Variants in BABAM2 observed in about 807,000 individuals in gnomAD.
BABAM2 encodes the protein BRISC and BRCA1-A complex member 2.
Under a neutral mutation model 54.7 loss-of-function variants are expected in BABAM2, and 31 were observed. The observed-to-expected ratio is 0.57, with a 90% CI of 0.43 to 0.77. The LOEUF is 0.77. BABAM2 is among the 30% of genes least tolerant of loss of function. BABAM2 has a pLI of 0.00. For missense variants in BABAM2, 364 were observed against 455.8 expected (o/e 0.80, Z 1.83); for synonymous variants, 167 against 162.9 (o/e 1.03, Z -0.19).
At chr2:27,899,555 C>T (rs1665619393) in intron 2 of BABAM2, among the ~76,000 whole-genome samples, 1 of 151,898 alleles carries the variant, frequency 6.6e-6, no homozygotes, top group Middle Eastern at 3.4e-3. Context: ...GCTCCTCAAC[C>T]TCTGCCTTCT....
chr2:28,323,638 C>G (rs938462430), intron 11 of BABAM2, among the ~76,000 whole-genome samples: 1 of 152,164 alleles, frequency 6.6e-6, no homozygotes, highest in East Asian at 1.9e-4. Flanking sequence ...GCTAAAGCTC[C>G]CGTGCCAAGT....
chr2:28,306,367 T>TC (rs1285851889), intron 11 of BABAM2, among the ~76,000 whole-genome samples: 1 of 152,186 alleles, frequency 6.6e-6, no homozygotes, highest in East Asian at 1.9e-4. Context: ...TTTCTCCCCT[T>TC]CTGCTAATTT....
intron 10 of BABAM2, among the ~76,000 whole-genome samples, chr2:28,245,952 G>A (rs1435309157): frequency 6.6e-6 from 1 of 152,056 alleles, no homozygotes; most frequent in Non-Finnish European, 1.5e-5. Flanking sequence ...AGATAGTAAG[G>A]GCAGAAACCA....
intron 3 of BABAM2, among the ~76,000 whole-genome samples, chr2:27,955,035 A>G (rs1055847792): frequency 6.6e-5 from 10 of 152,156 alleles, no homozygotes; most frequent in Non-Finnish European, 1.5e-4. Context: ...CAGTATTATT[A>G]AATAGTAATA....
chr2:27,932,254 T>C (rs978491460), intron 3 of BABAM2, among the ~76,000 whole-genome samples: 1 of 152,194 alleles, frequency 6.6e-6, no homozygotes, highest in African/African-American at 2.4e-5. Flanking sequence ...TATCTTAATT[T>C]CTAGGAACTC....
intron 11 of BABAM2, chr2:28,309,679 T>C (rs539434009): frequency 5.8e-5 from 10 of 173,068 alleles, no homozygotes; most frequent in African/African-American, 2.3e-5. Flanking sequence ...TGGCTAGAGT[T>C]CCCAAAGTTT....
chr2:28,269,536 T>C (rs934203764), intron 10 of BABAM2, among the ~76,000 whole-genome samples: 1 of 152,200 alleles, frequency 6.6e-6, no homozygotes, highest in African/African-American at 2.4e-5. Context: ...AATACCTAGT[T>C]GGGAGTGACT....
chr2:28,099,412 C>T (rs1573574342), intron 6 of BABAM2, among the ~76,000 whole-genome samples: 1 of 152,162 alleles, frequency 6.6e-6, no homozygotes, highest in South Asian at 2.1e-4. Context: ...CCAAAGGGCT[C>T]AGAATGGGTG....
rs752630548 is a variant in BABAM2, at chr2:27,894,581, C to T, written c.25C>T (p.Arg9Ter). Reference sequence around the variant, plus strand: ...AATGTCCCCAGAAGTGGCCTTGAACCGAATATCTCCAATGCTCTCCCCTTT... The same window carrying T: ...AATGTCCCCAGAAGTGGCCTTGAACTGAATATCTCCAATGCTCTCCCCTTT... MSPEVALN[R>*]ISPMLSPFIS... is the part of the protein sequence containing the mutation. The change falls in exon 2 of 12, where the codon CGA becomes TGA. Residue 9 changes from arginine to a stop codon, truncating the protein, a stop_gained. Transcript: ENST00000379624. LOFTEE classifies it high-confidence loss of function. 3.1e-6 allele frequency: 5 copies of T among 1,613,838 alleles called. No individual in the cohort carries two copies. Among genetic ancestry groups the T allele is most frequent in the African/African-American group, 2.7e-5 (2 of 74,882 alleles).
chr2:28,292,906 C>T (rs183286178), intron 10 of BABAM2, among the ~76,000 whole-genome samples: 51 of 152,216 alleles, frequency 3.4e-4, no homozygotes, highest in East Asian at 2.9e-3. Context: ...CTGTTAGGTA[C>T]GCAACCACAG....
At chr2:28,008,676 T>G (rs1674148794) in intron 4 of BABAM2, among the ~76,000 whole-genome samples, 1 of 152,148 alleles carries the variant, frequency 6.6e-6, no homozygotes, top group Non-Finnish European at 1.5e-5. Flanking sequence ...ATGTCCAATT[T>G]GAGAATGATC....
intron 3 of BABAM2, among the ~76,000 whole-genome samples, chr2:27,945,117 C>G (rs1333503758): frequency 6.6e-6 from 1 of 151,956 alleles, no homozygotes; most frequent in Non-Finnish European, 1.5e-5. Flanking sequence ...CTCCTGGGCT[C>G]AAGCAACCCC....
At chr2:28,141,895 C>A (rs1671097524) in intron 7 of BABAM2, among the ~76,000 whole-genome samples, 1 of 152,124 alleles carries the variant, frequency 6.6e-6, no homozygotes, top group Non-Finnish European at 1.5e-5. Context: ...TGTTCTACTT[C>A]ATCTTTGCTG....
intron 7 of BABAM2, among the ~76,000 whole-genome samples, chr2:28,168,649 T>C (rs1026491041): frequency 5.9e-5 from 9 of 152,212 alleles, no homozygotes; most frequent in African/African-American, 2.2e-4. Flanking sequence ...TTATCATTCT[T>C]AGAGGGCCAA....
chr2:28,103,074 A>G (rs1364298244), intron 6 of BABAM2, among the ~76,000 whole-genome samples: 1 of 151,622 alleles, frequency 6.6e-6, no homozygotes, highest in African/African-American at 2.4e-5. Context: ...TATGGTCCTG[A>G]TGTGATATCT....
chr2:27,891,819 C>A (rs1664875933), intron 1 of BABAM2, among the ~76,000 whole-genome samples: 1 of 151,684 alleles, frequency 6.6e-6, no homozygotes, highest in South Asian at 2.1e-4. Flanking sequence ...AGAATTCATT[C>A]CCTCAGGTGT....
chr2:28,226,232 G>T (rs1680872948), intron 7 of BABAM2, among the ~76,000 whole-genome samples: 1 of 152,158 alleles, frequency 6.6e-6, no homozygotes, highest in Non-Finnish European at 1.5e-5. Flanking sequence ...TGGATGCAAA[G>T]ATGACAATAT....
intron 4 of BABAM2, among the ~76,000 whole-genome samples, chr2:27,989,091 T>C (rs1054960143): frequency 2.0e-5 from 3 of 152,254 alleles, no homozygotes; most frequent in South Asian, 2.1e-4. Context: ...TTTCTAATAA[T>C]TGAACATCAG....
At position 28,320,526 on chromosome 2, in the gene BABAM2, A is replaced by G. The variant is rs10184293; in HGVS notation, c.1089-17924A>G. On this transcript the variant is annotated intron_variant, in intron 11 of 11. Coordinates refer to ENST00000379624, the MANE Select transcript of BABAM2 (RefSeq NM_199191.3). Reference sequence around the variant, plus strand: ...GACGGGGGCCCAGGGCCTGAGAGAAAGAAACCCGACTGCTGGCAGATGTCT... The same window carrying G: ...GACGGGGGCCCAGGGCCTGAGAGAAGGAAACCCGACTGCTGGCAGATGTCT... 7.4e-3 allele frequency among the ~76,000 whole-genome samples: 1,121 copies of G among 152,334 alleles called. 15 individuals are homozygous for G. The highest frequency in any genetic ancestry group is 0.025 in the African/African-American group (1,052 of 41,582).
Sources: gnomAD v4.1 joint callset for allele counts (sites outside exome capture counted in the v4.1 genomes callset) on GRCh38, gnomAD v4.1.1 for gene constraint, MANE v1.5 for transcripts, NCBI Gene and HGNC (gene_info 2026-07-23, HGNC 2026-07-21) for gene names.